Variants in PPP1R1C observed in about 807,000 individuals in gnomAD.
PPP1R1C encodes protein phosphatase 1 regulatory inhibitor subunit 1C, also known as protein phosphatase 1 regulatory subunit 1C.
A neutral mutation model predicts 17.4 loss-of-function variants in PPP1R1C; 15 were observed. The observed-to-expected ratio is 0.86, with a 90% CI of 0.58 to 1.33. The LOEUF (loss-of-function observed/expected upper bound fraction) is 1.33, where lower values mean the gene tolerates loss of function less well. Ranked by LOEUF, PPP1R1C falls within the 40% of genes most tolerant of loss-of-function variation. The pLI is 0.00. For missense variants in PPP1R1C, 143 were observed against 130.0 expected (o/e 1.10, Z -0.48); for synonymous variants, 35 against 43.1 (o/e 0.81, Z 0.73).
intron 2 of PPP1R1C, among the ~76,000 whole-genome samples, chr2:181,999,366 A>C (rs1685697212): frequency 6.6e-6 from 1 of 152,222 alleles, no homozygotes; most frequent in South Asian, 2.1e-4. Context: ...CTATCAAATG[A>C]ATATTTTAAA....
At chr2:182,125,961 AT>A (rs1225263614) in intron 5 of PPP1R1C, among the ~76,000 whole-genome samples, 2 of 151,950 alleles carry the variant, frequency 1.3e-5, no homozygotes, top group Non-Finnish European at 2.9e-5. Context: ...AAGCTTTTGA[AT>A]TTGTTTGTTC....
chr2:182,044,832 CAG>C (rs1238860855), intron 2 of PPP1R1C, among the ~76,000 whole-genome samples: 1 of 152,180 alleles, frequency 6.6e-6, no homozygotes, highest in Non-Finnish European at 1.5e-5. Flanking sequence ...ATATAAGACA[CAG>C]ATTATCATAG....
intron 1 of PPP1R1C, among the ~76,000 whole-genome samples, chr2:181,974,289 A>T (rs1685059922): frequency 6.6e-6 from 1 of 152,260 alleles, no homozygotes; most frequent in East Asian, 1.9e-4. Context: ...ATACTCTGAG[A>T]ATATTTCTTA....
intron 4 of PPP1R1C, among the ~76,000 whole-genome samples, chr2:182,109,460 G>C (rs6714982): frequency 0.35 from 53,675 of 152,036 alleles, 10,053 homozygotes; most frequent in Non-Finnish European, 0.41. Flanking sequence ...TATTTTCTAG[G>C]AGTATCATAA....
At chr2:182,011,790 C>T (rs952717722) in intron 2 of PPP1R1C, among the ~76,000 whole-genome samples, 2 of 151,848 alleles carry the variant, frequency 1.3e-5, no homozygotes, top group African/African-American at 4.8e-5. Context: ...TTGCTGTATC[C>T]CACAGGTTTT....
upstream of PPP1R1C, among the ~76,000 whole-genome samples, chr2:181,985,077 A>G (rs1685264464): frequency 6.6e-6 from 1 of 152,214 alleles, no homozygotes; most frequent in African/African-American, 2.4e-5. This position sits in a 1 kb window ranked among gnomAD's most constrained non-coding sequence, Gnocchi z 4.1. Context: ...AATGTTGACT[A>G]CCATTAGGTT....
chr2:182,012,837 T>G (rs1686126739), intron 2 of PPP1R1C, among the ~76,000 whole-genome samples: 1 of 152,098 alleles, frequency 6.6e-6, no homozygotes, highest in Admixed American at 6.5e-5. Flanking sequence ...TTTAAGCTGA[T>G]GACAACATCA....
At chr2:182,056,074 A>G (rs180865098) in intron 2 of PPP1R1C, among the ~76,000 whole-genome samples, 78 of 152,306 alleles carry the variant, frequency 5.1e-4, no homozygotes, top group African/African-American at 1.8e-3. Flanking sequence ...TGATGATACT[A>G]GAAGTAAAGC....
intron 2 of PPP1R1C, among the ~76,000 whole-genome samples, chr2:181,993,103 G>C (rs1354551810): frequency 6.6e-6 from 1 of 152,174 alleles, no homozygotes; most frequent in Admixed American, 6.5e-5. Context: ...CTGGATGATA[G>C]CTAGGAAATA....
chr2:181,999,859 T>G (rs1685711895), intron 2 of PPP1R1C, among the ~76,000 whole-genome samples: 1 of 152,170 alleles, frequency 6.6e-6, no homozygotes, highest in Non-Finnish European at 1.5e-5. Flanking sequence ...CGTTTTTTAT[T>G]CATCTCTGTT....
chr2:182,124,152 A>G (rs1426088936), intron 5 of PPP1R1C, among the ~76,000 whole-genome samples: 1 of 152,138 alleles, frequency 6.6e-6, no homozygotes. Context: ...ACTGTCAAAG[A>G]TCAGATAGTT....
chr2:182,127,790 T>C (rs1477411726), intron 5 of PPP1R1C, among the ~76,000 whole-genome samples: 1 of 152,068 alleles, frequency 6.6e-6, no homozygotes, highest in African/African-American at 2.4e-5. Flanking sequence ...AAAGTCAGCA[T>C]AGGTATTTGT....
At chr2:182,130,890 A>T (rs1015031783), downstream of PPP1R1C, 4 of 152,212 alleles carry the variant, frequency 2.6e-5, no homozygotes, top group Non-Finnish European at 5.9e-5. Context: ...GACAGGAATG[A>T]TACTACTAAA....
At chr2:181,983,069 A>T (rs899351001), upstream of PPP1R1C, among the ~76,000 whole-genome samples, 1 of 152,182 alleles carries the variant, frequency 6.6e-6, no homozygotes, top group Non-Finnish European at 1.5e-5. Flanking sequence ...TAGTCATGCT[A>T]CTTGCTTCTC....
chr2:182,047,397 T>C (rs375482748), intron 2 of PPP1R1C, among the ~76,000 whole-genome samples: 52 of 152,180 alleles, frequency 3.4e-4, no homozygotes, highest in African/African-American at 1.2e-3. Flanking sequence ...GCCTAAAACA[T>C]CTAATAATTA....
intron 1 of PPP1R1C, among the ~76,000 whole-genome samples, chr2:181,987,294 T>C (rs1344524396): frequency 6.6e-6 from 1 of 152,142 alleles, no homozygotes; most frequent in African/African-American, 2.4e-5. Context: ...TTGTAATAAG[T>C]TGCATATTCT....
At chr2:182,056,899 C>T (rs1363100208) in intron 2 of PPP1R1C, among the ~76,000 whole-genome samples, 1 of 152,108 alleles carries the variant, frequency 6.6e-6, no homozygotes, top group Non-Finnish European at 1.5e-5. Context: ...GCCACTTAGG[C>T]AATATTTATA....
At chr2:182,068,112 T>C (rs1191822930) in intron 4 of PPP1R1C, among the ~76,000 whole-genome samples, 1 of 152,132 alleles carries the variant, frequency 6.6e-6, no homozygotes, top group African/African-American at 2.4e-5. Context: ...GGCTTTTTGC[T>C]TTAGTGTGTT....
Position 182,030,495 on chromosome 2 carries a change from G to A in PPP1R1C, c.143-30947G>A, listed in dbSNP as rs959300822. Among the ~76,000 whole-genome samples the A allele has an allele frequency of 1.7e-3, 254 of 150,676 alleles. 1 individual carries two copies. The highest frequency in any genetic ancestry group is 5.8e-3 in the African/African-American group (238 of 41,058). On this transcript the variant is annotated intron_variant, in intron 2 of 4. Coordinates refer to ENST00000682840, the MANE Select transcript of PPP1R1C (RefSeq NM_001080545.3). ...CCGTGTGAGATGTCAGTGTGCCCCT[G>A]CTGGGGGGTGCCTCCCAGTTAGGCT...
Sources: gnomAD v4.1 joint callset for allele counts (sites outside exome capture counted in the v4.1 genomes callset) on GRCh38, gnomAD v4.1.1 for gene constraint, Gnocchi (gnomAD v3.1) non-coding constraint, MANE v1.5 for transcripts, NCBI Gene and HGNC (gene_info 2026-07-23, HGNC 2026-07-21) for gene names.